The following GLE1 variants were observed in gnomAD, a reference collection of about 807,000 sequenced individuals.
GLE1 encodes the protein GLE1 RNA export mediator.
In GLE1, 78 loss-of-function variants were observed where a neutral mutation model predicts 97.3. The observed-to-expected ratio is 0.80, with a 90% CI of 0.67 to 0.97. The LOEUF is 0.97. Ranked by LOEUF, GLE1 falls within the 50% of genes least tolerant of loss-of-function variation. The pLI is 0.00. For synonymous variants in GLE1, 302 were observed against 313.4 expected, an observed-to-expected ratio of 0.96 and a Z score of 0.39; for missense variants, 753 against 857.5, an observed-to-expected ratio of 0.88 and a Z score of 1.52.
In GLE1 at chr9:128,504,814, T is replaced by G; in HGVS notation, c.9T>G (p.Ser3=). The G allele has an allele frequency of 6.2e-7, 1 of 1,609,928 alleles. No individual in the cohort carries two copies. Among genetic ancestry groups the G allele is most frequent in the Non-Finnish European group, 8.5e-7 (1 of 1,176,208 alleles). The change falls in exon 1 of 16, where the codon TCT becomes TCG. Residue 3 remains serine (S), a synonymous_variant. Transcript: ENST00000309971. MP[S]EGRCWETLKA... The stretch of plus-strand genomic sequence containing the variant: ...CTGCCCCTTAGCCAACCATGCCGTC[T>G]GAGGGTCGCTGCTGGGAGACCTTGA...
chr9:128,508,180 CAAAA>C (rs561804495), intron 1 of GLE1, among the ~76,000 whole-genome samples: 2 of 74,480 alleles, frequency 2.7e-5, no homozygotes, highest in Non-Finnish European at 2.9e-5. Flanking sequence ...AACTCCATCT[CAAAA>C]AAAAAAAAAA....
chr9:128,530,878 C>A (rs1295086748), intron 9 of GLE1, among the ~76,000 whole-genome samples: 3 of 137,204 alleles, frequency 2.2e-5, no homozygotes, highest in African/African-American at 8.3e-5. Context: ...CACTGCACTC[C>A]GTCCTGGGTG....
In GLE1 at chr9:128,541,210, GCAATAATAAAGGAAC is replaced by G. The variant is rs1847875794; in HGVS notation, c.*41_*55del. On this transcript the variant is annotated 3_prime_UTR_variant, in exon 16 of 16. Transcript: ENST00000309971. ...CCACCATCACCGCTGCTGCAAAGAG[GCAATAATAAAGGAAC>G]TGAAGACAGCTGTATTTGGGAGAAG... 8.8e-7 allele frequency: 1 copy of G among 1,131,776 alleles called. No homozygotes were observed. The highest frequency in any genetic ancestry group is 1.4e-6 in the Non-Finnish European group (1 of 739,068). 70.1% of individuals were successfully genotyped at this position (1,131,776 alleles called of 1,614,324 possible).
intron 2 of GLE1, among the ~76,000 whole-genome samples, chr9:128,511,799 G>T (rs1181814388): frequency 6.6e-6 from 1 of 151,972 alleles, no homozygotes; most frequent in African/African-American, 2.4e-5. Flanking sequence ...ATCTAGGGCT[G>T]GGTGAAGATT....
intron 2 of GLE1, among the ~76,000 whole-genome samples, chr9:128,515,255 CT>C (rs1846947551): frequency 6.6e-6 from 1 of 152,134 alleles, no homozygotes; most frequent in Non-Finnish European, 1.5e-5. Flanking sequence ...GAAACATTTT[CT>C]AGGCAGAGTA....
At chr9:128,515,665 G>A (rs748544571) in intron 3 of GLE1, 26 bp downstream of exon 3, 16 of 1,247,422 alleles carry the variant, frequency 1.3e-5, no homozygotes, top group Non-Finnish European at 1.2e-6. Flanking sequence ...AAGGAAGGCA[G>A]CCTTGATCCT....
At chr9:128,508,487 G>A (rs1042875312) in intron 1 of GLE1, among the ~76,000 whole-genome samples, 1 of 152,184 alleles carries the variant, frequency 6.6e-6, no homozygotes, top group South Asian at 2.1e-4. Flanking sequence ...ACAATGACAA[G>A]ATCACCTAAC....
chr9:128,515,196 CTCCA>C (rs1846946019), intron 2 of GLE1, among the ~76,000 whole-genome samples: 1 of 152,104 alleles, frequency 6.6e-6, no homozygotes, highest in African/African-American at 2.4e-5. Flanking sequence ...GTTGGGGATA[CTCCA>C]TCCAAAGCAT....
In GLE1 at chr9:128,523,629, G is replaced by A. The variant is rs200439673; in HGVS notation, c.680G>A (p.Arg227His). ...AAGCTGCGGGAAGCAGAGCAGCAGCGCGTGAAGCAAGCAGAACAGGAGCGG... is the reference window on the plus strand; with the variant it reads ...AAGCTGCGGGAAGCAGAGCAGCAGCACGTGAAGCAAGCAGAACAGGAGCGG... Reference protein sequence around the residue: ...NLKLREAEQQRVKQAEQERLR... With the variant: ...NLKLREAEQQHVKQAEQERLR... The change falls in exon 6 of 16, where the codon CGC becomes CAC. Residue 227 changes from arginine (R) to histidine (H), a missense_variant. Transcript: ENST00000309971. The A allele has an allele frequency of 1.9e-5, 30 of 1,613,972 alleles. No individual in the cohort carries two copies. The highest frequency in any genetic ancestry group is 9.3e-5 in the African/African-American group (7 of 74,890).
chr9:128,510,737 C>T (rs925442107), intron 2 of GLE1, among the ~76,000 whole-genome samples: 32 of 146,812 alleles, frequency 2.2e-4, no homozygotes, highest in Non-Finnish European at 3.7e-4. Context: ...CCATGTTGTC[C>T]AGTCTGGTCT....
At chr9:128,513,979 C>T (rs2132423416) in intron 2 of GLE1, among the ~76,000 whole-genome samples, 1 of 147,650 alleles carries the variant, frequency 6.8e-6, no homozygotes, top group Non-Finnish European at 1.5e-5. Flanking sequence ...GATTGCGCTA[C>T]TGCACTCCAG....
In GLE1 at chr9:128,524,540, CTTTTTTTT is replaced by C. The variant is rs71381767; in HGVS notation, c.898-630_898-623del. On this transcript the variant is annotated intron_variant, in intron 6 of 15. Coordinates refer to ENST00000309971, the MANE Select transcript of GLE1 (RefSeq NM_001003722.2). ...GTACCTGCCCTGTTTCTTTGCTTTG[CTTTTTTTT>C]TTTTTTTTTTTTTTTTTTTTTGAGA... Among the ~76,000 whole-genome samples, 47 of 39,648 alleles carry C rather than the reference CTTTTTTTT, an allele frequency of 1.2e-3. 1 individual carries two copies. The South Asian group carries it at 0.019, about 16-fold the overall frequency. The allele number at this position is 39,648 out of a possible 152,430, so 26.0% of individuals were successfully genotyped here.
intron 9 of GLE1, 52 bp downstream of exon 9, chr9:128,527,577 C>T: frequency 7.6e-6 from 8 of 1,052,722 alleles, no homozygotes; most frequent in Non-Finnish European, 1.2e-5. Flanking sequence ...TATTATCTTT[C>T]AGACTCCAAA....
rs201749766 is a variant in GLE1, at chr9:128,533,822, C to T, written c.1517C>T (p.Ala506Val). 1 of 1,613,922 alleles carries T rather than the reference C, an allele frequency of 6.2e-7. No homozygotes were observed. Among genetic ancestry groups the T allele is most frequent in the East Asian group, 2.2e-5 (1 of 44,882 alleles). Residue 506 changes from alanine to valine, a missense_variant, in exon 11 of 16, where the codon GCA becomes GTA. Coordinates refer to ENST00000309971, the MANE Select transcript of GLE1 (RefSeq NM_001003722.2). ...HEAAFPIAVVASGIWELHPRV... is the reference protein window; with the variant it reads ...HEAAFPIAVVVSGIWELHPRV... ...GCAGCATTCCCCATTGCAGTTGTGG[C>T]ATCCGGGATCTGGGAGCTCCACCCC...
At chr9:128,508,480 A>G (rs1846708219) in intron 1 of GLE1, among the ~76,000 whole-genome samples, 2 of 152,228 alleles carry the variant, frequency 1.3e-5, no homozygotes, top group Non-Finnish European at 2.9e-5. Flanking sequence ...TACTCGCACA[A>G]TGACAAGATC....
At chr9:128,514,515 G>A (rs1035688385) in intron 2 of GLE1, among the ~76,000 whole-genome samples, 7 of 146,368 alleles carry the variant, frequency 4.8e-5, no homozygotes, top group African/African-American at 1.3e-4. Context: ...CGATCTCTGC[G>A]CACTGCAAGC....
intron 2 of GLE1, among the ~76,000 whole-genome samples, chr9:128,511,580 C>T (rs1846825500): frequency 6.6e-6 from 1 of 151,322 alleles, no homozygotes; most frequent in Non-Finnish European, 1.5e-5. Context: ...TTGGCGGGCA[C>T]CTGTAGTCCC....
At chr9:128,511,093 A>G (rs960021865) in intron 2 of GLE1, among the ~76,000 whole-genome samples, 9 of 150,808 alleles carry the variant, frequency 6.0e-5, no homozygotes, top group African/African-American at 1.9e-4. Context: ...AATCCCATCT[A>G]CTTGGGAGGC....
chr9:128,517,167 A>G (rs538016200), intron 3 of GLE1, among the ~76,000 whole-genome samples: 2 of 151,966 alleles, frequency 1.3e-5, no homozygotes, highest in African/African-American at 2.4e-5. Flanking sequence ...GCACATGCCT[A>G]TAATACTAGT....
Sources: gnomAD v4.1 joint callset for allele counts (sites outside exome capture counted in the v4.1 genomes callset) on GRCh38, gnomAD v4.1.1 for gene constraint, MANE v1.5 for transcripts, NCBI Gene and HGNC (gene_info 2026-07-23, HGNC 2026-07-21) for gene names.